Variants in L3MBTL4 observed in about 807,000 individuals in gnomAD.
L3MBTL4 encodes the protein lethal(3)malignant brain tumor-like protein 4.
A neutral mutation model predicts 84.5 loss-of-function variants in L3MBTL4; 70 were observed. The observed-to-expected ratio is 0.83, with a 90% CI of 0.68 to 1.01. The LOEUF (loss-of-function observed/expected upper bound fraction) is 1.01. Among genes scored for constraint, L3MBTL4 ranks in the 50% least tolerant of loss-of-function variants. The pLI, the probability that L3MBTL4 is intolerant of heterozygous loss-of-function variation, is 0.00. For synonymous variants in L3MBTL4, 274 were observed against 259.8 expected (o/e 1.05, Z -0.52); for missense variants, 715 against 754.8 (o/e 0.95, Z 0.62).
intron 1 of L3MBTL4, among the ~76,000 whole-genome samples, chr18:6,331,489 CACTGAAGATA>C (rs2052032282): frequency 6.6e-6 from 1 of 152,152 alleles, no homozygotes; most frequent in Non-Finnish European, 1.5e-5. Context: ...AAAAAAGTCT[CACTGAAGATA>C]AGTTCTTGGA....
At chr18:6,180,157 C>T (rs2044403633) in intron 12 of L3MBTL4, among the ~76,000 whole-genome samples, 2 of 152,040 alleles carry the variant, frequency 1.3e-5, no homozygotes, top group Non-Finnish European at 2.9e-5. Flanking sequence ...CCATACTTTT[C>T]CACAGTAAAC....
At chr18:6,064,273 A>C (rs1252984149) in intron 16 of L3MBTL4, among the ~76,000 whole-genome samples, 1 of 151,870 alleles carries the variant, frequency 6.6e-6, no homozygotes. Flanking sequence ...TTGTAGTATA[A>C]TTTGAAGTTG....
chr18:6,131,920 G>T (rs1008287121), intron 14 of L3MBTL4, among the ~76,000 whole-genome samples: 7 of 152,114 alleles, frequency 4.6e-5, no homozygotes, highest in African/African-American at 1.7e-4. Flanking sequence ...AATTGCAAGA[G>T]AATTTTAGTA....
At chr18:6,244,361 TA>T in intron 6 of L3MBTL4, 122 bp downstream of exon 6, 1 of 582,696 alleles carries the variant, frequency 1.7e-6, no homozygotes, top group Non-Finnish European at 2.9e-6. Flanking sequence ...CATCGCTGAC[TA>T]AAATAAATCC....
At chr18:6,314,861 A>G (rs1049386282) in intron 1 of L3MBTL4, among the ~76,000 whole-genome samples, 34 of 152,222 alleles carry the variant, frequency 2.2e-4, no homozygotes, top group African/African-American at 7.7e-4. Flanking sequence ...AGGTACCTTG[A>G]GGAATATGAA....
chr18:6,411,042 A>T (rs1462180380), intron 1 of L3MBTL4, among the ~76,000 whole-genome samples: 1 of 152,222 alleles, frequency 6.6e-6, no homozygotes, highest in Non-Finnish European at 1.5e-5. Context: ...CCGTGGAAAA[A>T]ATCGTTTGTA....
At chr18:6,149,165 A>G (rs2042779734) in intron 13 of L3MBTL4, among the ~76,000 whole-genome samples, 1 of 151,164 alleles carries the variant, frequency 6.6e-6, no homozygotes, top group South Asian at 2.1e-4. Flanking sequence ...GTCATTTAGC[A>G]TTAGGTATAT....
intron 10 of L3MBTL4, among the ~76,000 whole-genome samples, chr18:6,226,026 T>G (rs907123880): frequency 6.6e-6 from 1 of 152,108 alleles, no homozygotes; most frequent in Admixed American, 6.5e-5. Context: ...AGATGGAAAT[T>G]TGGATACATA....
At chr18:6,003,196 T>G (rs1173348082) in intron 16 of L3MBTL4, among the ~76,000 whole-genome samples, 1 of 146,136 alleles carries the variant, frequency 6.8e-6, no homozygotes, top group Non-Finnish European at 1.5e-5. Context: ...ATATAAAATA[T>G]AGTATCTCTA....
chr18:6,038,251 C>CTT lies in L3MBTL4; in HGVS notation c.1444+42628_1444+42629dup, dbSNP rs34580980. 5.2e-3 allele frequency among the ~76,000 whole-genome samples: 512 copies of CTT among 97,822 alleles called. 30 individuals carry two copies. Among genetic ancestry groups the CTT allele is most frequent in the African/African-American group, 0.017 (470 of 27,190 alleles). The allele number at this position is 97,822 out of a possible 152,430, so 64.2% of individuals were successfully genotyped here. A position where few individuals can be genotyped will look rare whatever the true frequency, so the allele number is the denominator to read the frequency against. ...GGATACTAGAAATCCATTTCTGGAT[C>CTT]TTTTTTTTTTTTTTTTTTTTGAGAC... On this transcript the variant is annotated intron_variant, in intron 16 of 18. Transcript: ENST00000317931.
At chr18:6,049,704 G>A (rs946045731) in intron 16 of L3MBTL4, among the ~76,000 whole-genome samples, 2 of 152,044 alleles carry the variant, frequency 1.3e-5, no homozygotes, top group Non-Finnish European at 2.9e-5. Context: ...AATAGATACT[G>A]GAAACTAATA....
Position 6,124,868 on chromosome 18 carries a change from G to A in L3MBTL4, c.1199+13326C>T, listed in dbSNP as rs569467304. Reference sequence around the variant, plus strand: ...TTTGTGTTCCTTTTTTTCTTTCCACGAATTGATCTCTATTGCTTTAAAAAT... The same window carrying A: ...TTTGTGTTCCTTTTTTTCTTTCCACAAATTGATCTCTATTGCTTTAAAAAT... On this transcript the variant is annotated intron_variant, in intron 14 of 18. Coordinates refer to ENST00000317931, the MANE Select transcript of L3MBTL4 (RefSeq NM_001330559.2). 5.9e-5 allele frequency among the ~76,000 whole-genome samples: 9 copies of A among 151,964 alleles called. No homozygotes were observed. In the East Asian group the frequency reaches 1.4e-3, roughly 23 times the overall value.
intron 16 of L3MBTL4, chr18:6,029,863 T>A: frequency 1.0e-6 from 1 of 985,154 alleles, no homozygotes; most frequent in Non-Finnish European, 1.2e-6. Flanking sequence ...TAGGATAGAT[T>A]CACACACAGA....
intron 14 of L3MBTL4, among the ~76,000 whole-genome samples, chr18:6,137,231 A>G (rs1283033482): frequency 6.6e-6 from 1 of 152,214 alleles, no homozygotes; most frequent in Non-Finnish European, 1.5e-5. Flanking sequence ...CAAGTCGCCA[A>G]GCAGTCTTCA....
intron 16 of L3MBTL4, among the ~76,000 whole-genome samples, chr18:6,075,368 A>C (rs2057822898): frequency 1.3e-5 from 2 of 152,110 alleles, no homozygotes; most frequent in African/African-American, 4.8e-5. Flanking sequence ...CCAGAAACAG[A>C]CCCACACATA....
chr18:6,231,559 C>T (rs2047001039), intron 10 of L3MBTL4, among the ~76,000 whole-genome samples: 1 of 152,120 alleles, frequency 6.6e-6, no homozygotes, highest in African/African-American at 2.4e-5. Flanking sequence ...GCTTTCCACT[C>T]ATTTGTGTCA....
chr18:6,177,297 G>A (rs1333559523), intron 12 of L3MBTL4, among the ~76,000 whole-genome samples: 1 of 152,158 alleles, frequency 6.6e-6, no homozygotes, highest in Non-Finnish European at 1.5e-5. Context: ...AATAAAAAGG[G>A]ATAAACTGTT....
chr18:6,229,520 C>A (rs2046909282), intron 10 of L3MBTL4, among the ~76,000 whole-genome samples: 1 of 152,022 alleles, frequency 6.6e-6, no homozygotes, highest in East Asian at 1.9e-4. Flanking sequence ...GTTACCTGTG[C>A]CCTTGCTGTC....
intron 5 of L3MBTL4, among the ~76,000 whole-genome samples, chr18:6,247,885 T>C (rs2146205833): frequency 6.6e-6 from 1 of 152,150 alleles, no homozygotes; most frequent in Non-Finnish European, 1.5e-5. Flanking sequence ...CATGGATGTG[T>C]TGTGTCCTTC....
Sources: allele counts gnomAD v4.1 joint callset (sites outside exome capture counted in the v4.1 genomes callset), GRCh38; gene constraint gnomAD v4.1.1; transcripts MANE v1.5; gene names NCBI Gene and HGNC (gene_info 2026-07-23, HGNC 2026-07-21).